GPC5: variants seen among roughly 807,000 people sequenced by gnomAD.
GPC5 encodes the protein glypican-5.
GPC5 carries 47 observed loss-of-function variants against 53.9 expected under a neutral mutation model. The observed-to-expected ratio is 0.87, with a 90% CI of 0.69 to 1.11. The LOEUF (loss-of-function observed/expected upper bound fraction) is 1.11, where lower values mean the gene tolerates loss of function less well. GPC5 is among the 50% of genes most tolerant of loss of function. The pLI is 0.00. For missense variants in GPC5, 748 were observed against 713.1 expected (o/e 1.05, Z -0.56); for synonymous variants, 286 against 263.3 (o/e 1.09, Z -0.84).
At chr13:91,747,455 T>C (rs183543933) in intron 4 of GPC5, among the ~76,000 whole-genome samples, 21 of 152,342 alleles carry the variant, frequency 1.4e-4, no homozygotes, top group Admixed American at 7.8e-4. Flanking sequence ...GCAATTGTGC[T>C]ACAGCCTTTT....
chr13:91,481,944 A>C (rs1223806886), intron 2 of GPC5, among the ~76,000 whole-genome samples: 1 of 152,146 alleles, frequency 6.6e-6, no homozygotes, highest in African/African-American at 2.4e-5. Context: ...TCCACTAGAC[A>C]CTCTTTCGCA....
chr13:92,735,282 C>A (rs1297752690), intron 7 of GPC5, among the ~76,000 whole-genome samples: 1 of 151,930 alleles, frequency 6.6e-6, no homozygotes, highest in Non-Finnish European at 1.5e-5. Context: ...AACATCATCT[C>A]CATTTCCTTC....
At chr13:92,161,854 T>C (rs1179872549) in intron 7 of GPC5, among the ~76,000 whole-genome samples, 4 of 150,416 alleles carry the variant, frequency 2.7e-5, no homozygotes, top group African/African-American at 4.9e-5. Flanking sequence ...ATAGTTTTTA[T>C]TGATTATGTT....
intron 3 of GPC5, among the ~76,000 whole-genome samples, chr13:91,708,137 G>A (rs1163847804): frequency 6.6e-6 from 1 of 152,148 alleles, no homozygotes; most frequent in African/African-American, 2.4e-5. Flanking sequence ...GTGTGTGAGG[G>A]AAAAGCGTTT....
chr13:92,348,016 TAA>T (rs554346564), intron 7 of GPC5, among the ~76,000 whole-genome samples: 2 of 91,474 alleles, frequency 2.2e-5, no homozygotes, highest in Admixed American at 1.3e-4. Flanking sequence ...TACCACTTCT[TAA>T]AAAAAAAAAA....
intron 2 of GPC5, among the ~76,000 whole-genome samples, chr13:91,520,089 C>T (rs950834054): frequency 2.6e-5 from 4 of 151,950 alleles, no homozygotes; most frequent in African/African-American, 9.7e-5. Flanking sequence ...TCCAGTCATA[C>T]TGGAAATAGT....
At chr13:92,390,062 C>T (rs1296701798) in intron 7 of GPC5, among the ~76,000 whole-genome samples, 1 of 151,952 alleles carries the variant, frequency 6.6e-6, no homozygotes, top group Non-Finnish European at 1.5e-5. Context: ...TGTCTTGATT[C>T]AAGGGATTTG....
At chr13:92,031,087 A>G (rs375333264) in intron 6 of GPC5, among the ~76,000 whole-genome samples, 20 of 152,128 alleles carry the variant, frequency 1.3e-4, no homozygotes, top group Admixed American at 4.6e-4. Flanking sequence ...CTTGGCTTCT[A>G]TAACACCATG....
chr13:91,434,521 T>G (rs1180866003), intron 1 of GPC5, among the ~76,000 whole-genome samples: 3 of 151,922 alleles, frequency 2.0e-5, no homozygotes, highest in African/African-American at 7.3e-5. Flanking sequence ...TAGATGTGTG[T>G]TGTTATTTCT....
At chr13:92,600,593 G>A (rs1235835542) in intron 7 of GPC5, among the ~76,000 whole-genome samples, 3 of 151,248 alleles carry the variant, frequency 2.0e-5, no homozygotes, top group Non-Finnish European at 4.4e-5. Flanking sequence ...CGTCTCCCAG[G>A]TTCAAGTGAA....
intron 7 of GPC5, among the ~76,000 whole-genome samples, chr13:92,678,500 T>C (rs1405785161): frequency 1.3e-5 from 2 of 152,178 alleles, no homozygotes; most frequent in Non-Finnish European, 2.9e-5. Flanking sequence ...AAAATAACAC[T>C]GCTAGTAATA....
At chr13:92,478,119 C>T (rs536048618) in intron 7 of GPC5, among the ~76,000 whole-genome samples, 9 of 152,162 alleles carry the variant, frequency 5.9e-5, no homozygotes, top group African/African-American at 1.9e-4. Context: ...CCCATGATCA[C>T]GGAGAATTTG....
chr13:92,401,452 A>G (rs757382116), intron 7 of GPC5, among the ~76,000 whole-genome samples: 4 of 152,160 alleles, frequency 2.6e-5, no homozygotes, highest in Non-Finnish European at 5.9e-5. Flanking sequence ...CTATCCAGCA[A>G]TATAATAATT....
At chr13:92,741,637 G>A (rs1889096800) in intron 7 of GPC5, among the ~76,000 whole-genome samples, 1 of 152,070 alleles carries the variant, frequency 6.6e-6, no homozygotes, top group Non-Finnish European at 1.5e-5. Flanking sequence ...TGCACAATAT[G>A]CAGGTTTGTT....
At chr13:91,591,118 A>G (rs2032780548) in intron 2 of GPC5, among the ~76,000 whole-genome samples, 1 of 152,198 alleles carries the variant, frequency 6.6e-6, no homozygotes, top group East Asian at 1.9e-4. Flanking sequence ...GCACCTCATA[A>G]GTGTTTGTTA....
intron 2 of GPC5, among the ~76,000 whole-genome samples, chr13:91,594,192 A>G (rs1039139280): frequency 6.6e-6 from 1 of 152,224 alleles, no homozygotes; most frequent in African/African-American, 2.4e-5. Context: ...TTATTATAAG[A>G]AAAAGTACAG....
At chr13:91,618,960 ATAC>A (rs887785380) in intron 2 of GPC5, among the ~76,000 whole-genome samples, 4 of 152,126 alleles carry the variant, frequency 2.6e-5, no homozygotes, top group African/African-American at 9.6e-5. Context: ...TACACTATTT[ATAC>A]TACTACTATA....
chr13:91,420,145 C>G (rs550769301), intron 1 of GPC5, among the ~76,000 whole-genome samples: 11 of 152,254 alleles, frequency 7.2e-5, no homozygotes, highest in Admixed American at 4.6e-4. Flanking sequence ...TGGGTAAGAT[C>G]TCTGATTCTG....
chr13:92,576,040 G>A (rs1883179961), intron 7 of GPC5, among the ~76,000 whole-genome samples: 1 of 152,136 alleles, frequency 6.6e-6, no homozygotes, highest in African/African-American at 2.4e-5. Flanking sequence ...AGTCATAAAG[G>A]TGTGTATGTG....
Sources: allele counts gnomAD v4.1 joint callset (sites outside exome capture counted in the v4.1 genomes callset), GRCh38; gene constraint gnomAD v4.1.1; transcripts MANE v1.5; gene names NCBI Gene and HGNC (gene_info 2026-07-23, HGNC 2026-07-21).